Variants in SVOPL observed in about 807,000 individuals in gnomAD.
SVOPL encodes the protein putative transporter SVOPL.
Under a neutral mutation model 61.0 loss-of-function variants are expected in SVOPL, and 60 were observed. The observed-to-expected ratio is 0.98, with a 90% CI of 0.80 to 1.22. The LOEUF (loss-of-function observed/expected upper bound fraction) is 1.22. SVOPL is among the 50% of genes most tolerant of loss of function. The probability of loss-of-function intolerance (pLI) is 0.00; values close to 1 mark genes in which losing one functional copy is unlikely to be tolerated. For missense variants in SVOPL, 662 were observed against 643.9 expected, an observed-to-expected ratio of 1.03 and a Z score of -0.30; for synonymous variants, 279 against 250.0, an observed-to-expected ratio of 1.12 and a Z score of -1.09.
chr7:138,667,774 A>G (rs1802305565), intron 4 of SVOPL, among the ~76,000 whole-genome samples: 1 of 152,200 alleles, frequency 6.6e-6, no homozygotes, highest in Non-Finnish European at 1.5e-5. Flanking sequence ...GAGTCAGTGA[A>G]AGAGATCTGA....
chr7:138,647,127 G>A (rs1219336162), intron 8 of SVOPL, among the ~76,000 whole-genome samples: 2 of 152,214 alleles, frequency 1.3e-5, no homozygotes, highest in Non-Finnish European at 2.9e-5. Flanking sequence ...TGCAATCCCA[G>A]CACTTTGGGA....
At chr7:138,619,362 CTG>C (rs1799445139) in intron 14 of SVOPL, among the ~76,000 whole-genome samples, 1 of 151,658 alleles carries the variant, frequency 6.6e-6, no homozygotes, top group African/African-American at 2.4e-5. Context: ...TGAGCCATGA[CTG>C]TACCCCAGCC....
rs766596375 is a variant in SVOPL at position 138,630,138 on chromosome 7, G to GGA, written c.790-18_790-17dup. ...CTCTTTTTTCCTGGGGTAATGAAAA[G>GGA]GAGACAGAACATACTCAGCAGCTTA... On this transcript the variant is annotated splice_polypyrimidine_tract_variant and intron_variant, in intron 9 of 15. Transcript: ENST00000674285. The GGA allele has an allele frequency of 1.2e-6, 2 of 1,601,094 alleles. No homozygotes were observed. The highest frequency in any genetic ancestry group is 2.2e-5 in the South Asian group (2 of 90,800).
rs1188506300 is a variant in SVOPL, at chr7:138,634,950, C to T, written c.790-4828G>A. The stretch of plus-strand genomic sequence containing the variant: ...CTGCACTGCAGTCTGGGTGACAGAG[C>T]GAGAACCTGTCTCAGAAATTTTAAA... On this transcript the variant is annotated intron_variant, in intron 9 of 15. Transcript: ENST00000674285. 2.6e-5 allele frequency among the ~76,000 whole-genome samples: 4 copies of T among 151,928 alleles called. No individual in the cohort carries two copies. In the South Asian group the frequency reaches 6.2e-4, roughly 24 times the overall value.
chr7:138,629,151 GTGTA>G (rs1800043448), intron 10 of SVOPL, among the ~76,000 whole-genome samples: 2 of 95,568 alleles, frequency 2.1e-5, no homozygotes, highest in African/African-American at 1.1e-4. Flanking sequence ...GTGTGTGTGT[GTGTA>G]TATATGTATA....
chr7:138,673,737 C>T (rs1371853799), intron 3 of SVOPL, among the ~76,000 whole-genome samples: 1 of 152,182 alleles, frequency 6.6e-6, no homozygotes, highest in African/African-American at 2.4e-5. Flanking sequence ...ACCAAGATGC[C>T]ACTCCTCTAA....
intron 4 of SVOPL, among the ~76,000 whole-genome samples, chr7:138,669,002 G>C (rs539863291): frequency 6.6e-6 from 1 of 152,172 alleles, no homozygotes; most frequent in African/African-American, 2.4e-5. Context: ...CCCAGAAAGC[G>C]ATACAACAAA....
intron 14 of SVOPL, among the ~76,000 whole-genome samples, chr7:138,602,732 C>T (rs1357445718): frequency 6.6e-6 from 1 of 152,086 alleles, no homozygotes; most frequent in African/African-American, 2.4e-5. Flanking sequence ...CCATTTCCAC[C>T]CCTAACCACA....
At chr7:138,674,462 G>T (rs949198314) in intron 3 of SVOPL, among the ~76,000 whole-genome samples, 3 of 151,842 alleles carry the variant, frequency 2.0e-5, no homozygotes, top group African/African-American at 7.2e-5. Flanking sequence ...TTTGGTCCCT[G>T]CACCCAAATA....
At chr7:138,697,452 T>A (rs981961981) in intron 1 of SVOPL, among the ~76,000 whole-genome samples, 1 of 151,286 alleles carries the variant, frequency 6.6e-6, no homozygotes, top group Non-Finnish European at 1.5e-5. Flanking sequence ...AAAAGTTTTT[T>A]AAAAAATTAG....
intron 7 of SVOPL, among the ~76,000 whole-genome samples, chr7:138,654,503 T>TTTC (rs1801608864): frequency 2.1e-5 from 3 of 146,138 alleles, no homozygotes; most frequent in African/African-American, 7.7e-5. Context: ...TGAGTTTGTT[T>TTTC]TTTTTTTTTT....
chr7:138,666,334 T>A (rs1027051693), intron 4 of SVOPL, among the ~76,000 whole-genome samples: 21 of 152,242 alleles, frequency 1.4e-4, no homozygotes, highest in African/African-American at 4.8e-4. Context: ...GTATTTTATA[T>A]GTAGAAGAAA....
chr7:138,612,222 A>C lies in SVOPL; in HGVS notation c.1353+8824T>G, dbSNP rs191254021. ...GCATGCTCGTTAAGAGTCATCACCA[A>C]TCCCTAATCTCAAGTAATCAGGGAC... On this transcript the variant is annotated intron_variant, in intron 14 of 15. Coordinates refer to ENST00000674285, the MANE Select transcript of SVOPL (RefSeq NM_001139456.2). Among the ~76,000 whole-genome samples the C allele has an allele frequency of 3.4e-3, 125 of 36,664 alleles. 27 individuals carry two copies. Among genetic ancestry groups the C allele is most frequent in the Non-Finnish European group, 4.3e-3 (70 of 16,388 alleles). The allele number at this position is 36,664 out of a possible 152,430, so 24.1% of individuals were successfully genotyped here.
intron 1 of SVOPL, among the ~76,000 whole-genome samples, chr7:138,683,775 C>T (rs35498158): frequency 0.24 from 36,521 of 151,768 alleles, 4,839 homozygotes; most frequent in African/African-American, 0.35. Context: ...ACTCTTTGGG[C>T]GGGCACAATG....
rs767459770 is a variant in SVOPL, at chr7:138,627,444, G to A, written c.1087C>T (p.Leu363=). The A allele has an allele frequency of 2.5e-6, 4 of 1,613,456 alleles. No individual in the cohort carries two copies. The highest frequency in any genetic ancestry group is 3.3e-5 in the Admixed American group (2 of 60,010). The change falls in exon 12 of 16, where the codon CTG becomes TTG. Residue 363 remains leucine, a synonymous_variant. Transcript: ENST00000674285. The part of the protein sequence containing the change: ...GEIALNPLNI[L]GINFLGRRLS... ...CGTCTTCCCAGGAAATTGATGCCCA[G>A]TATATTTAAAGGATTCACTAGAAAG...
intron 5 of SVOPL, chr7:138,662,062 T>TAG (rs1406806356): frequency 2.0e-6 from 2 of 985,310 alleles, no homozygotes; most frequent in Admixed American, 1.2e-4. Context: ...TCCTTTCCTT[T>TAG]AGGTTGAGGT....
In SVOPL at chr7:138,663,162, G is replaced by C. The variant is rs1584852970; in HGVS notation, c.274-17C>G. ...AAACACCATCTGCAAGTGGGAGCGA[G>C]ATAAAACGGTTCTCTAAGCAGGTTT... On this transcript the variant is annotated splice_polypyrimidine_tract_variant and intron_variant, in intron 4 of 15. Transcript: ENST00000674285. The C allele has an allele frequency of 2.5e-6, 4 of 1,611,274 alleles. No individual in the cohort carries two copies. In the East Asian group the frequency reaches 8.9e-5, roughly 36 times the overall value.
At chr7:138,665,277 C>T (rs1802218802) in intron 4 of SVOPL, among the ~76,000 whole-genome samples, 1 of 150,168 alleles carries the variant, frequency 6.7e-6, no homozygotes, top group Admixed American at 6.7e-5. Flanking sequence ...TTAGTTTTCT[C>T]AATTAACAAC....
intron 14 of SVOPL, among the ~76,000 whole-genome samples, chr7:138,600,837 T>G (rs1208686395): frequency 2.0e-5 from 3 of 152,042 alleles, no homozygotes; most frequent in Non-Finnish European, 1.5e-5. Context: ...TTGGCGAGAA[T>G]GTAGAGAAAG....
Sources: gnomAD v4.1 joint callset for allele counts (sites outside exome capture counted in the v4.1 genomes callset) on GRCh38, gnomAD v4.1.1 for gene constraint, MANE v1.5 for transcripts, NCBI Gene and HGNC (gene_info 2026-07-23, HGNC 2026-07-21) for gene names.